Variants in MLLT10 observed in about 807,000 individuals in gnomAD.
MLLT10 encodes MLLT10 histone lysine methyltransferase DOT1L cofactor, also known as protein AF-10.
Under a neutral mutation model 129.1 loss-of-function variants are expected in MLLT10, and 30 were observed. The observed-to-expected ratio is 0.23, with a 90% CI of 0.17 to 0.32. The LOEUF (loss-of-function observed/expected upper bound fraction) is 0.32. Ranked by LOEUF, MLLT10 falls within the 10% of genes least tolerant of loss-of-function variation. The probability of loss-of-function intolerance (pLI) is 1.00; values close to 1 mark genes in which losing one functional copy is unlikely to be tolerated. For synonymous variants in MLLT10, 490 were observed against 446.4 expected (o/e 1.10, Z -1.23); for missense variants, 1,119 against 1,268.3 (o/e 0.88, Z 1.79).
chr10:21,553,717 T>C (rs2037460128), intron 3 of MLLT10, among the ~76,000 whole-genome samples: 1 of 151,594 alleles, frequency 6.6e-6, no homozygotes, highest in Admixed American at 6.6e-5. Context: ...TGACGTGATC[T>C]TGGCTCACTG....
Position 21,727,852 on chromosome 10 carries a change from A to G in MLLT10, c.1991-4A>G, listed in dbSNP as rs201364627. 2,110 of 1,612,776 alleles carry G rather than the reference A, an allele frequency of 1.3e-3. 5 individuals are homozygous for G. The highest frequency in any genetic ancestry group is 1.7e-3 in the Non-Finnish European group (2,032 of 1,178,874). On this transcript the variant is annotated splice_region_variant and splice_polypyrimidine_tract_variant and intron_variant, in intron 15 of 22. Coordinates refer to ENST00000307729, the MANE Select transcript of MLLT10 (RefSeq NM_001195626.3). ...TTATCAGCTCTGAAATATTTACACT[A>G]CAGATCAAGATCTTGGAGACAATAG...
chr10:21,661,787 C>T (rs2050238869), intron 9 of MLLT10: 1 of 152,078 alleles, frequency 6.6e-6, no homozygotes, highest in Non-Finnish European at 1.5e-5. Context: ...AGTAGGTTTC[C>T]TGTAGACAAC....
intron 9 of MLLT10, among the ~76,000 whole-genome samples, chr10:21,664,618 A>G (rs1029784136): frequency 1.3e-5 from 2 of 152,024 alleles, no homozygotes; most frequent in Non-Finnish European, 2.9e-5. Flanking sequence ...ATGTGTATTC[A>G]TTTGTAGTTG....
At chr10:21,702,670 A>G (rs1332620650) in intron 13 of MLLT10, among the ~76,000 whole-genome samples, 2 of 152,070 alleles carry the variant, frequency 1.3e-5, no homozygotes, top group Admixed American at 6.5e-5. Context: ...TTGTCGTTAT[A>G]TAATGACCTA....
chr10:21,661,703 T>C (rs1207847743), intron 9 of MLLT10: 1 of 152,200 alleles, frequency 6.6e-6, no homozygotes, highest in Non-Finnish European at 1.5e-5. Context: ...CTTCTCTGTA[T>C]CATTCTAATT....
In MLLT10 at chr10:21,730,931, G is replaced by A. The variant is rs2057918715; in HGVS notation, c.2095G>A (p.Asp699Asn). Residue 699 changes from aspartate (D) to asparagine (N), a missense_variant, in exon 17 of 23, where the codon GAT becomes AAT. Asp to Asn is a conservative substitution (Grantham distance 23). Coordinates refer to ENST00000307729, the MANE Select transcript of MLLT10 (RefSeq NM_001195626.3). Reference sequence around the variant, plus strand: ...TGTAAGCAGCTTACAGATTCGCTATGATCAACCAGGCAACAGCAGTTTGGA... The same window carrying A: ...TGTAAGCAGCTTACAGATTCGCTATAATCAACCAGGCAACAGCAGTTTGGA... ...SPVSSLQIRYDQPGNSSLENL... is the reference protein window; with the variant it reads ...SPVSSLQIRYNQPGNSSLENL... 6.2e-6 allele frequency: 10 copies of A among 1,614,162 alleles called. No individual in the cohort carries two copies. The highest frequency in any genetic ancestry group is 7.6e-6 in the Non-Finnish European group (9 of 1,180,036).
At chr10:21,607,283 T>C (rs748618371) in intron 5 of MLLT10, among the ~76,000 whole-genome samples, 1 of 151,802 alleles carries the variant, frequency 6.6e-6, no homozygotes, top group Non-Finnish European at 1.5e-5. Flanking sequence ...AACTCAACAA[T>C]ATGTTGTTAA....
chr10:21,737,779 C>CTTCA (rs1362418553), intron 21 of MLLT10, among the ~76,000 whole-genome samples: 1 of 152,100 alleles, frequency 6.6e-6, no homozygotes, highest in Non-Finnish European at 1.5e-5. Flanking sequence ...CCCTAGCACT[C>CTTCA]TTCATTCAGT....
At chr10:21,619,934 CTT>C (rs59738804) in intron 8 of MLLT10, among the ~76,000 whole-genome samples, 4 of 136,212 alleles carry the variant, frequency 2.9e-5, no homozygotes, top group Non-Finnish European at 6.4e-5. Flanking sequence ...TTTTTCTTTT[CTT>C]TTTTTTTTTT....
At chr10:21,691,082 A>G (rs569133588) in intron 13 of MLLT10, among the ~76,000 whole-genome samples, 1 of 152,302 alleles carries the variant, frequency 6.6e-6, no homozygotes, top group South Asian at 2.1e-4. Flanking sequence ...TTATAATTGG[A>G]AAGTGCTTGC....
chr10:21,653,492 T>G (rs1422330262), intron 9 of MLLT10, among the ~76,000 whole-genome samples: 1 of 152,212 alleles, frequency 6.6e-6, no homozygotes, highest in Non-Finnish European at 1.5e-5. Context: ...ACTTGGAATT[T>G]TTTTTTGCAT....
At chr10:21,737,634 A>C (rs1489902092) in intron 21 of MLLT10, among the ~76,000 whole-genome samples, 1 of 152,104 alleles carries the variant, frequency 6.6e-6, no homozygotes, top group Non-Finnish European at 1.5e-5. Flanking sequence ...TAACGGTTAG[A>C]TAAGAGGGGA....
At position 21,670,488 on chromosome 10, in the gene MLLT10, T is replaced by C; in HGVS notation, c.835T>C (p.Leu279=). ...STSNNSISGS[L]KRLEDTTARF... The stretch of plus-strand genomic sequence containing the variant: ...TAGCAACAACTCTATATCTGGATCA[T>C]TGAAGCGCTTGGAAGATACTACTGC... The change falls in exon 10 of 23, where the codon TTG becomes CTG. Residue 279 remains leucine (L), a synonymous_variant. Coordinates refer to ENST00000307729, the MANE Select transcript of MLLT10 (RefSeq NM_001195626.3). The C allele has an allele frequency of 1.9e-6, 3 of 1,614,136 alleles. No individual in the cohort carries two copies. Among genetic ancestry groups the C allele is most frequent in the Non-Finnish European group, 2.5e-6 (3 of 1,179,992 alleles).
At chr10:21,701,514 A>G (rs138659872) in intron 13 of MLLT10, among the ~76,000 whole-genome samples, 2 of 151,582 alleles carry the variant, frequency 1.3e-5, no homozygotes, top group East Asian at 3.9e-4. Context: ...TTGCGTTTCC[A>G]TTTTCATTTG....
chr10:21,670,061 T>C (rs1200763603), intron 9 of MLLT10, among the ~76,000 whole-genome samples: 2 of 152,130 alleles, frequency 1.3e-5, no homozygotes, highest in East Asian at 3.8e-4. Context: ...CTTCCTGTGT[T>C]GAATACTAAA....
intron 13 of MLLT10, among the ~76,000 whole-genome samples, chr10:21,703,180 G>A (rs1845757613): frequency 6.6e-6 from 1 of 151,854 alleles, no homozygotes; most frequent in South Asian, 2.1e-4. Context: ...CGTGTAGGGT[G>A]GTCTAATGGT....
intron 2 of MLLT10, among the ~76,000 whole-genome samples, chr10:21,535,320 G>T (rs1283014539): frequency 6.6e-6 from 1 of 152,110 alleles, no homozygotes; most frequent in African/African-American, 2.4e-5. Context: ...GGGTCGCCTT[G>T]CCTCTTTAGA....
At chr10:21,610,702 C>G (rs2044523392) in intron 5 of MLLT10, among the ~76,000 whole-genome samples, 1 of 150,588 alleles carries the variant, frequency 6.6e-6, no homozygotes, top group African/African-American at 2.4e-5. Flanking sequence ...ACTGTCAGCT[C>G]TTTGGAAGTT....
intron 9 of MLLT10, among the ~76,000 whole-genome samples, chr10:21,663,107 A>G (rs553512199): frequency 3.9e-5 from 6 of 152,158 alleles, no homozygotes; most frequent in African/African-American, 1.2e-4. Context: ...TTCCCCCTTT[A>G]TTGGAGGGAT....
Sources: gnomAD v4.1 joint callset for allele counts (sites outside exome capture counted in the v4.1 genomes callset) on GRCh38, gnomAD v4.1.1 for gene constraint, MANE v1.5 for transcripts, NCBI Gene and HGNC (gene_info 2026-07-23, HGNC 2026-07-21) for gene names.